CHST10: variants seen among roughly 807,000 people sequenced by gnomAD.
CHST10 encodes HNK-1 sulfotransferase.
CHST10 carries 24 observed loss-of-function variants against 34.7 expected under a neutral mutation model. The observed-to-expected ratio is 0.69, with a 90% CI of 0.50 to 0.97. CHST10 has a LOEUF of 0.97. Among genes scored for constraint, CHST10 ranks in the 50% least tolerant of loss-of-function variants. The pLI is 0.00. For synonymous variants in CHST10, 161 were observed against 169.3 expected, an observed-to-expected ratio of 0.95 and a Z score of 0.38; for missense variants, 402 against 452.1, an observed-to-expected ratio of 0.89 and a Z score of 1.00.
chr2:100,406,869 T>A (rs560130215), intron 2 of CHST10, among the ~76,000 whole-genome samples, 162 bp from the exon 3 acceptor site: 1 of 152,342 alleles, frequency 6.6e-6, no homozygotes, highest in Non-Finnish European at 1.5e-5. Context: ...TAACATTTCA[T>A]ATTGAATTAA....
At position 100,392,237 on chromosome 2, in the gene CHST10, T is replaced by C. The variant is rs1674826093; in HGVS notation, c.*1008A>G. ...ATGGCTCTGGCAGTGCCCATTTTGC[T>C]GAGATGAAAGGAATCGAAATGTATA... On this transcript the variant is annotated 3_prime_UTR_variant, in exon 7 of 7. Coordinates refer to ENST00000264249, the MANE Select transcript of CHST10 (RefSeq NM_004854.5). 6.5e-6 allele frequency: 1 copy of C among 152,702 alleles called. No homozygotes were observed. The allele number at this position is 152,702 out of a possible 1,614,324, so 9.5% of individuals were successfully genotyped here.
At chr2:100,417,070 T>A (rs1335929866) in intron 1 of CHST10, 1 of 1,303,678 alleles carries the variant, frequency 7.7e-7, no homozygotes, top group Non-Finnish European at 1.0e-6. Flanking sequence ...CCTCTCTCCA[T>A]CTACAATTAC....
At chr2:100,412,485 A>C (rs2104256788) in intron 2 of CHST10, among the ~76,000 whole-genome samples, 1 of 152,312 alleles carries the variant, frequency 6.6e-6, no homozygotes. Context: ...GGCCCCAAGA[A>C]TACCCCAGCC....
chr2:100,414,299 C>T (rs1265677434), intron 2 of CHST10, among the ~76,000 whole-genome samples: 3 of 152,100 alleles, frequency 2.0e-5, no homozygotes, highest in African/African-American at 7.2e-5. Context: ...ACCTCATACA[C>T]ATACCAGGGA....
chr2:100,400,079 C>A (rs1675267559), intron 4 of CHST10, among the ~76,000 whole-genome samples: 1 of 152,324 alleles, frequency 6.6e-6, no homozygotes, highest in South Asian at 2.1e-4. Flanking sequence ...CAAACCTAAC[C>A]CTGATCATGG....
rs145042707 is a variant in CHST10, at chr2:100,409,590, C to T, written c.-32-2883G>A. ...GGGACTGGTCTGCACTCACCGTCTC[C>T]GTAGCTAGTCTTTCACCCGGGCAGG... On this transcript the variant is annotated intron_variant, in intron 2 of 6. Transcript: ENST00000264249. Among the ~76,000 whole-genome samples the T allele has an allele frequency of 3.7e-3, 568 of 152,122 alleles. 2 individuals carry two copies. Among genetic ancestry groups the T allele is most frequent in the South Asian group, 6.7e-3 (32 of 4,806 alleles).
Position 100,415,044 on chromosome 2 carries a change from C to T in CHST10, c.-36G>A, listed in dbSNP as rs1558648313. 2.3e-6 allele frequency: 3 copies of T among 1,303,456 alleles called. No individual in the cohort carries two copies. The highest frequency in any genetic ancestry group is 3.0e-6 in the Non-Finnish European group (3 of 988,606). 80.7% of individuals were successfully genotyped at this position (1,303,456 alleles called of 1,614,324 possible). A position where few individuals can be genotyped will look rare whatever the true frequency, so the allele number is the denominator to read the frequency against. ...GCTCACATTCTCCTTCACGTACCTT[C>T]TGCAGCCTGGGGCTCACATTTCCTT... On this transcript the variant is annotated 5_prime_UTR_variant, in exon 2 of 7. Coordinates refer to ENST00000264249, the MANE Select transcript of CHST10 (RefSeq NM_004854.5).
intron 2 of CHST10, among the ~76,000 whole-genome samples, chr2:100,409,862 A>C (rs1256603951): frequency 1.3e-5 from 2 of 152,338 alleles, no homozygotes; most frequent in Admixed American, 6.5e-5. Flanking sequence ...TTACTAAACT[A>C]AGATATACAG....
rs763210815 is a variant in CHST10, at chr2:100,393,462, G to T, written c.854C>A (p.Thr285Asn). The part of the protein sequence containing the change: ...IMYSVIGHHE[T>N]LEDDAPYILK... ...GATGTATGGGGCATCGTCCTCCAGG[G>T]TCTCGTGGTGTCCAATCACACTGTA... Residue 285 changes from threonine to asparagine, a missense_variant, in exon 7 of 7, where the codon ACC (threonine) becomes AAC (asparagine). Coordinates refer to ENST00000264249, the MANE Select transcript of CHST10 (RefSeq NM_004854.5). 1 of 1,614,146 alleles carries T rather than the reference G, an allele frequency of 6.2e-7. No individual in the cohort carries two copies. Among genetic ancestry groups the T allele is most frequent in the Non-Finnish European group, 8.5e-7 (1 of 1,180,030 alleles).
intron 5 of CHST10, among the ~76,000 whole-genome samples, chr2:100,397,429 T>C (rs1675110828): frequency 6.6e-6 from 1 of 152,186 alleles, no homozygotes; most frequent in African/African-American, 2.4e-5. Context: ...GAACGCTTGG[T>C]CTGCAGGTAA....
intron 6 of CHST10, among the ~76,000 whole-genome samples, chr2:100,394,608 G>A (rs1459301587): frequency 3.3e-5 from 5 of 152,214 alleles, no homozygotes; most frequent in Non-Finnish European, 7.3e-5. Flanking sequence ...AATCCAGCTG[G>A]TGACCTGACG....
In CHST10 at chr2:100,416,975, G is replaced by C. The variant is rs554050140; in HGVS notation, c.-104+399C>G. 23 of 1,304,080 alleles carry C rather than the reference G, an allele frequency of 1.8e-5. No homozygotes were observed. The African/African-American group carries it at 3.0e-4, about 17-fold the overall frequency. The allele number at this position is 1,304,080 out of a possible 1,614,324, so 80.8% of individuals were successfully genotyped here. ...GCAGGGAACGTGCATTCCCACCCCT[G>C]ACTCCCCTCGCACCGAAGCTGCACA... On this transcript the variant is annotated intron_variant, in intron 1 of 6. Transcript: ENST00000264249.
intron 6 of CHST10, among the ~76,000 whole-genome samples, chr2:100,395,030 C>T (rs1210339934): frequency 1.3e-5 from 2 of 152,120 alleles, no homozygotes; most frequent in Non-Finnish European, 2.9e-5. Context: ...GGACTCCGTC[C>T]TTGCTGCGAT....
chr2:100,395,752 T>A, intron 5 of CHST10, 138 bp from the exon 6 acceptor site: 1 of 563,200 alleles, frequency 1.8e-6, no homozygotes, highest in East Asian at 2.9e-5. Context: ...ATATCCAAGT[T>A]TAGGTCTTTG....
At chr2:100,406,398 C>A (rs1306259440) in intron 3 of CHST10, among the ~76,000 whole-genome samples, 178 bp downstream of exon 3, 1 of 152,154 alleles carries the variant, frequency 6.6e-6, no homozygotes, top group African/African-American at 2.4e-5. Flanking sequence ...GCCCCTCCCA[C>A]CCTACCTCCC....
At position 100,393,355 on chromosome 2, in the gene CHST10, C is replaced by T. The variant is rs768356262; in HGVS notation, c.961G>A (p.Glu321Lys). Residue 321 changes from glutamate to lysine, a missense_variant, in exon 7 of 7, where the codon GAG (glutamate) becomes AAG (lysine). Glu to Lys is a moderately conservative substitution (Grantham distance 56). Coordinates refer to ENST00000264249, the MANE Select transcript of CHST10 (RefSeq NM_004854.5). ...TTGCTGATGCCCAGGAAATAGTGCT[C>T]CACCTTGGTTCTGTTATACACGGTA... ...GITVYNRTKV[E>K]HYFLGISKRD... The T allele has an allele frequency of 9.3e-6, 15 of 1,614,176 alleles. No homozygotes were observed. The highest frequency in any genetic ancestry group is 1.3e-5 in the Non-Finnish European group (15 of 1,180,036).
Position 100,415,191 on chromosome 2 carries a change from T to C in CHST10, c.-103-80A>G, listed in dbSNP as rs1676016554. On this transcript the variant is annotated intron_variant, in intron 1 of 6. Transcript: ENST00000264249. ...TACTTAATACAACTTGGTTTATACT[T>C]AGGAAGGAAATAGTGAACCATTTTG... The C allele has an allele frequency of 6.0e-6, 5 of 837,774 alleles. No homozygotes were observed. The South Asian group carries it at 8.1e-5, about 14-fold the overall frequency. 51.9% of individuals were successfully genotyped at this position (837,774 alleles called of 1,614,324 possible).
At position 100,417,657 on chromosome 2, in the gene CHST10, T is replaced by G. The variant is rs1439564308; in HGVS notation, c.-387A>C. ...CGGCCCCCTCGCGCCTATCCGGCCG[T>G]GCGCGCCGCCTGCCCGCGCGCGTCC... On this transcript the variant is annotated 5_prime_UTR_variant, in exon 1 of 7. Transcript: ENST00000264249. 8 of 150,536 alleles carry G rather than the reference T, an allele frequency of 5.3e-5. No individual in the cohort carries two copies. The highest frequency in any genetic ancestry group is 1.9e-4 in the African/African-American group (8 of 41,212). 9.3% of individuals were successfully genotyped at this position (150,536 alleles called of 1,614,324 possible).
At chr2:100,413,510 T>A (rs970186263) in intron 2 of CHST10, among the ~76,000 whole-genome samples, 4 of 152,102 alleles carry the variant, frequency 2.6e-5, no homozygotes, top group Non-Finnish European at 5.9e-5. Flanking sequence ...GAAAGCAGGG[T>A]CAGGGAAGGA....
Sources: allele counts gnomAD v4.1 joint callset (sites outside exome capture counted in the v4.1 genomes callset), GRCh38; gene constraint gnomAD v4.1.1; transcripts MANE v1.5; gene names NCBI Gene and HGNC (gene_info 2026-07-23, HGNC 2026-07-21).